ADGRB3: variants seen among roughly 807,000 people sequenced by gnomAD.
ADGRB3 encodes the protein adhesion G protein-coupled receptor B3, also known as brain-specific angiogenesis inhibitor 3.
ADGRB3 carries 37 observed loss-of-function variants against 193.4 expected under a neutral mutation model. The ratio of observed to expected loss-of-function variants is 0.19; its 90% CI spans 0.15 to 0.25. The LOEUF (loss-of-function observed/expected upper bound fraction) is 0.25. Among genes scored for constraint, ADGRB3 ranks in the 10% least tolerant of loss-of-function variants. The pLI is 1.00. For missense variants in ADGRB3, 1,637 were observed against 1,852.9 expected (o/e 0.88, Z 2.14); for synonymous variants, 690 against 644.2 (o/e 1.07, Z -1.08).
intron 26 of ADGRB3, among the ~76,000 whole-genome samples, chr6:69,349,053 G>C (rs1377127306): frequency 2.0e-5 from 3 of 152,134 alleles, no homozygotes; most frequent in Non-Finnish European, 4.4e-5. Context: ...TTATGATCTT[G>C]AGCAAGTTAC....
intron 13 of ADGRB3, among the ~76,000 whole-genome samples, chr6:69,030,852 C>T (rs1335764128): frequency 6.6e-6 from 1 of 151,972 alleles, no homozygotes; most frequent in Non-Finnish European, 1.5e-5. Flanking sequence ...CTCTTCTCTT[C>T]TCTTCTCTCT....
At chr6:69,128,954 T>C (rs1018033191) in intron 17 of ADGRB3, among the ~76,000 whole-genome samples, 1 of 152,184 alleles carries the variant, frequency 6.6e-6, no homozygotes, top group African/African-American at 2.4e-5. Context: ...AGGCAACCGA[T>C]AGACCAGTTC....
intron 17 of ADGRB3, among the ~76,000 whole-genome samples, chr6:69,198,128 T>A (rs1257743589): frequency 6.6e-6 from 1 of 152,106 alleles, no homozygotes; most frequent in Non-Finnish European, 1.5e-5. Context: ...ATTAATTCAT[T>A]ACCATCTGAT....
intron 3 of ADGRB3, among the ~76,000 whole-genome samples, chr6:68,929,981 G>T (rs1252053207): frequency 1.3e-5 from 2 of 151,478 alleles, no homozygotes; most frequent in Admixed American, 6.6e-5. Flanking sequence ...ATTAATTGGG[G>T]CAGGGAAGGA....
intron 13 of ADGRB3, among the ~76,000 whole-genome samples, chr6:69,018,887 TC>T (rs1256729442): frequency 4.6e-5 from 7 of 152,050 alleles, no homozygotes; most frequent in Admixed American, 3.9e-4. Context: ...TTTATGATCT[TC>T]CGTACATTGT....
intron 3 of ADGRB3, among the ~76,000 whole-genome samples, chr6:68,893,674 G>A (rs1766142156): frequency 6.6e-6 from 1 of 151,738 alleles, no homozygotes; most frequent in African/African-American, 2.4e-5. Context: ...ATGAAACAAA[G>A]CGAGCATATT....
At chr6:68,971,411 G>T (rs1582360300) in intron 8 of ADGRB3, among the ~76,000 whole-genome samples, 1 of 152,138 alleles carries the variant, frequency 6.6e-6, no homozygotes. Flanking sequence ...TGTTGGAAAA[G>T]TCTGCCCTTC....
intron 3 of ADGRB3, among the ~76,000 whole-genome samples, chr6:68,817,332 TATATATA>T (rs1767655398): frequency 9.8e-6 from 1 of 102,564 alleles, no homozygotes; most frequent in Non-Finnish European, 1.8e-5. Context: ...TATATATATA[TATATATA>T]TATATATATA....
intron 3 of ADGRB3, among the ~76,000 whole-genome samples, chr6:68,699,843 C>A (rs929920162): frequency 5.3e-5 from 8 of 151,760 alleles, no homozygotes; most frequent in African/African-American, 1.7e-4. Context: ...TAGAAGACAA[C>A]CCTGCCTTTA....
intron 3 of ADGRB3, among the ~76,000 whole-genome samples, chr6:68,686,170 T>C (rs372723758): frequency 1.3e-5 from 2 of 152,224 alleles, no homozygotes; most frequent in African/African-American, 4.8e-5. Context: ...CCTTATTTGA[T>C]GACAGTAATG....
At chr6:69,379,638 T>C (rs572314088) in intron 30 of ADGRB3, among the ~76,000 whole-genome samples, 3 of 152,124 alleles carry the variant, frequency 2.0e-5, no homozygotes, top group African/African-American at 7.2e-5. Flanking sequence ...CTGGACGATC[T>C]ACTTGAGTCT....
chr6:68,897,049 A>T lies in ADGRB3; in HGVS notation c.758-33510A>T, dbSNP rs192795898. Among the ~76,000 whole-genome samples, 159 of 152,280 alleles carry T rather than the reference A, an allele frequency of 1.0e-3. 2 individuals are homozygous for T. Among genetic ancestry groups the T allele is most frequent in the African/African-American group, 3.7e-3 (154 of 41,564 alleles). ...TCCTATTGTAGTCATGCTAAGGCAC[A>T]CTTAGGGATAAACCAAACAACTGAT... is the stretch of plus-strand genomic sequence containing the variant. On this transcript the variant is annotated intron_variant, in intron 3 of 31. Transcript: ENST00000370598.
intron 3 of ADGRB3, among the ~76,000 whole-genome samples, chr6:68,725,347 G>C (rs766983520): frequency 8.6e-5 from 13 of 151,636 alleles, no homozygotes; most frequent in Non-Finnish European, 1.3e-4. Context: ...TGTAGAAAGA[G>C]AATCCAGGCA....
At chr6:68,647,992 T>G (rs1768254524) in intron 3 of ADGRB3, among the ~76,000 whole-genome samples, 1 of 152,132 alleles carries the variant, frequency 6.6e-6, no homozygotes, top group South Asian at 2.1e-4. Context: ...AATTCTGATA[T>G]TTTCATAAGG....
At chr6:68,786,408 G>T (rs1396196178) in intron 3 of ADGRB3, among the ~76,000 whole-genome samples, 1 of 152,070 alleles carries the variant, frequency 6.6e-6, no homozygotes, top group East Asian at 1.9e-4. Context: ...TATTAAATAG[G>T]GAATCCTTTC....
intron 17 of ADGRB3, among the ~76,000 whole-genome samples, chr6:69,203,816 A>C (rs920292213): frequency 6.6e-6 from 1 of 152,152 alleles, no homozygotes; most frequent in Non-Finnish European, 1.5e-5. Context: ...ATTGATTTCA[A>C]TTGGCCACTA....
chr6:69,035,058 A>AT (rs1770827944), intron 13 of ADGRB3, among the ~76,000 whole-genome samples: 1 of 152,088 alleles, frequency 6.6e-6, no homozygotes, highest in East Asian at 1.9e-4. Context: ...ATTAGTCATC[A>AT]TCCTTTGTTT....
At chr6:68,931,468 A>G (rs1255849932) in intron 4 of ADGRB3, among the ~76,000 whole-genome samples, 2 of 152,080 alleles carry the variant, frequency 1.3e-5, no homozygotes, top group African/African-American at 4.8e-5. Context: ...AAAGTGTTTC[A>G]ACTTTGTTAT....
chr6:69,030,980 T>TTC (rs1770635047), intron 13 of ADGRB3, among the ~76,000 whole-genome samples: 1 of 77,530 alleles, frequency 1.3e-5, no homozygotes, highest in Non-Finnish European at 2.8e-5. Context: ...TCTTTTCTTT[T>TTC]CTTTTCTTTT....
Sources: allele counts gnomAD v4.1 joint callset (sites outside exome capture counted in the v4.1 genomes callset), GRCh38; gene constraint gnomAD v4.1.1; transcripts MANE v1.5; gene names NCBI Gene and HGNC (gene_info 2026-07-23, HGNC 2026-07-21).